Variants in FBXL20 observed in about 807,000 individuals in gnomAD.
FBXL20 encodes F-box and leucine rich repeat protein 20, also known as F-box/LRR-repeat protein 20.
In FBXL20, 11 loss-of-function variants were observed where a neutral mutation model predicts 64.0. The ratio of observed to expected loss-of-function variants is 0.17; its 90% CI spans 0.11 to 0.28. FBXL20 has a LOEUF of 0.28. FBXL20 is among the 10% of genes least tolerant of loss of function. The pLI is 1.00. For synonymous variants in FBXL20, 184 were observed against 189.0 expected (o/e 0.97, Z 0.22); for missense variants, 303 against 526.2 (o/e 0.58, Z 4.15).
At chr17:39,389,925 C>T (rs1042311747) in intron 1 of FBXL20, among the ~76,000 whole-genome samples, 1 of 152,032 alleles carries the variant, frequency 6.6e-6, no homozygotes, top group Non-Finnish European at 1.5e-5. Context: ...TTTCTGGGGG[C>T]GGAGGTAGGG....
rs1309489507 is a variant in FBXL20 at position 39,254,584 on chromosome 17, TTGAC to T, written c.*6872_*6875del. ...TTCGGTGGTGCCAAAACCTATCTGT[TTGAC>T]TGGTTAAGTGTGTAGAAAGTAGGAG... On this transcript the variant is annotated 3_prime_UTR_variant, in exon 15 of 15. Transcript: ENST00000264658. The T allele has an allele frequency of 1.9e-5, 3 of 154,266 alleles. No individual in the cohort carries two copies. The highest frequency in any genetic ancestry group is 2.9e-5 in the Non-Finnish European group (2 of 68,156). 9.6% of individuals were successfully genotyped at this position (154,266 alleles called of 1,614,324 possible). A position where few individuals can be genotyped will look rare whatever the true frequency, so the allele number is the denominator to read the frequency against.
chr17:39,348,392 G>A (rs760757314), intron 1 of FBXL20, among the ~76,000 whole-genome samples: 4 of 151,944 alleles, frequency 2.6e-5, no homozygotes, highest in South Asian at 2.1e-4. Context: ...ACCTGGGAGC[G>A]GAGGTTGCAG....
chr17:39,319,925 A>G (rs185679306), intron 2 of FBXL20, among the ~76,000 whole-genome samples: 136 of 152,180 alleles, frequency 8.9e-4, no homozygotes, highest in African/African-American at 3.1e-3. Context: ...CCTTTTACTA[A>G]GTCTAATACT....
At chr17:39,353,210 C>G (rs1413078465) in intron 1 of FBXL20, among the ~76,000 whole-genome samples, 1 of 152,112 alleles carries the variant, frequency 6.6e-6, no homozygotes, top group Non-Finnish European at 1.5e-5. Context: ...ATTTGGGTCT[C>G]TGACATATGC....
At chr17:39,321,189 C>T (rs1050404328) in intron 2 of FBXL20, among the ~76,000 whole-genome samples, 1 of 152,106 alleles carries the variant, frequency 6.6e-6, no homozygotes, top group Non-Finnish European at 1.5e-5. Context: ...AACGGTGGCT[C>T]ACGCTTGTAA....
intron 1 of FBXL20, among the ~76,000 whole-genome samples, chr17:39,352,538 G>A (rs542158712): frequency 6.6e-6 from 1 of 151,820 alleles, no homozygotes; most frequent in Non-Finnish European, 1.5e-5. Context: ...AAAATCAGCC[G>A]GGTGTGGTAG....
At chr17:39,279,918 C>A (rs1312727794) in intron 9 of FBXL20, among the ~76,000 whole-genome samples, 1 of 152,188 alleles carries the variant, frequency 6.6e-6, no homozygotes, top group East Asian at 1.9e-4. Flanking sequence ...CAGTGGCTTA[C>A]GCCTGTAATC....
chr17:39,289,659 CA>C lies in FBXL20; in HGVS notation c.399-4087del, dbSNP rs373302395. 2.9e-3 allele frequency among the ~76,000 whole-genome samples: 423 copies of C among 144,738 alleles called. 1 individual carries two copies. The highest frequency in any genetic ancestry group is 9.5e-3 in the African/African-American group (377 of 39,494). 95.0% of individuals were successfully genotyped at this position (144,738 alleles called of 152,430 possible). A position where few individuals can be genotyped will look rare whatever the true frequency, so the allele number is the denominator to read the frequency against. On this transcript the variant is annotated intron_variant, in intron 6 of 14. Transcript: ENST00000264658. ...GAAAGACCCTATCTCAAGAAACAAA[CA>C]AAAAAAAAACCCAAACTATAACAAT...
upstream of FBXL20, chr17:39,401,668 G>C: frequency 7.9e-7 from 1 of 1,263,068 alleles, no homozygotes; most frequent in Non-Finnish European, 1.0e-6. Context: ...CTCCCCACCT[G>C]CCAGCAACGC....
chr17:39,344,008 TCCCTGCCACGGTG>T (rs1281488207), intron 1 of FBXL20, among the ~76,000 whole-genome samples: 9 of 151,998 alleles, frequency 5.9e-5, no homozygotes. Context: ...GGATTACAGG[TCCCTGCCACGGTG>T]CCCAGCTAAT....
chr17:39,288,820 T>C, intron 6 of FBXL20, among the ~76,000 whole-genome samples: 1 of 152,128 alleles, frequency 6.6e-6, no homozygotes, highest in Non-Finnish European at 1.5e-5. Context: ...GCGATTCTCC[T>C]GCCTCAGCCT....
intron 5 of FBXL20, 23 bp from the exon 6 acceptor site, chr17:39,297,218 G>A: frequency 1.3e-6 from 2 of 1,556,590 alleles, no homozygotes; most frequent in Non-Finnish European, 8.8e-7. Flanking sequence ...GAAAGTAAGA[G>A]GTTTCAAATG....
At chr17:39,306,143 T>G (rs1315682170) in intron 2 of FBXL20, among the ~76,000 whole-genome samples, 1 of 143,772 alleles carries the variant, frequency 7.0e-6, no homozygotes, top group Non-Finnish European at 1.5e-5. Context: ...GCCTGGGTGA[T>G]AGAGTGAGTT....
At chr17:39,392,438 CAAA>C (rs67507209) in intron 1 of FBXL20, among the ~76,000 whole-genome samples, 36 of 103,996 alleles carry the variant, frequency 3.5e-4, no homozygotes, top group Admixed American at 4.1e-4. Context: ...AGATTGTCTC[CAAA>C]AAAAAAAAAA....
intron 2 of FBXL20, among the ~76,000 whole-genome samples, chr17:39,326,628 A>AT (rs1567881116): frequency 6.6e-6 from 1 of 151,148 alleles, no homozygotes; most frequent in African/African-American, 2.4e-5. Context: ...TTTAAAAAAA[A>AT]TTTTTTAGAG....
chr17:39,351,315 A>T lies in FBXL20; in HGVS notation c.43-8074T>A, dbSNP rs147317811. 2.8e-3 allele frequency among the ~76,000 whole-genome samples: 416 copies of T among 150,382 alleles called. 2 individuals are homozygous for T. In the Middle Eastern group the frequency reaches 0.061, roughly 22 times the overall value. ...CACACCATTGCACTCCAGCTTGGGC[A>T]ACAAGAGAGAAACTCTGTCTCACCA... On this transcript the variant is annotated intron_variant, in intron 1 of 14. Transcript: ENST00000264658.
chr17:39,321,094 A>T (rs1205402352), intron 2 of FBXL20, among the ~76,000 whole-genome samples: 1 of 152,156 alleles, frequency 6.6e-6, no homozygotes, highest in African/African-American at 2.4e-5. Flanking sequence ...TATACAGTGA[A>T]CATAAGTGAA....
At chr17:39,298,852 T>C in intron 5 of FBXL20, 138 bp downstream of exon 5, 1 of 678,892 alleles carries the variant, frequency 1.5e-6, no homozygotes, top group Non-Finnish European at 2.5e-6. Flanking sequence ...TTCTTATTAC[T>C]GGATATTTTC....
chr17:39,270,065 C>A (rs139330590), intron 11 of FBXL20, among the ~76,000 whole-genome samples: 3 of 152,138 alleles, frequency 2.0e-5, no homozygotes, highest in African/African-American at 4.8e-5. Flanking sequence ...TTTATAAACC[C>A]GTCCAAGTAT....
Sources: gnomAD v4.1 joint callset for allele counts (sites outside exome capture counted in the v4.1 genomes callset) on GRCh38, gnomAD v4.1.1 for gene constraint, MANE v1.5 for transcripts, NCBI Gene and HGNC (gene_info 2026-07-23, HGNC 2026-07-21) for gene names.